The following RICTOR variants were observed in gnomAD, a reference collection of about 807,000 sequenced individuals.
The protein encoded by RICTOR is rapamycin-insensitive companion of mTOR.
RICTOR carries 49 observed loss-of-function variants against 214.9 expected under a neutral mutation model. The observed-to-expected ratio is 0.23, with a 90% CI of 0.18 to 0.29. RICTOR has a LOEUF of 0.29. RICTOR is among the 10% of genes least tolerant of loss of function. The pLI, the probability that RICTOR is intolerant of heterozygous loss-of-function variation, is 1.00. For synonymous variants in RICTOR, 717 were observed against 711.3 expected (o/e 1.01, Z -0.13); for missense variants, 1,625 against 2,047.0 (o/e 0.79, Z 3.98).
intron 15 of RICTOR, 129 bp from the exon 16 acceptor site, chr5:38,965,021 T>C: frequency 3.8e-6 from 2 of 521,264 alleles, no homozygotes; most frequent in Middle Eastern, 3.9e-4. Flanking sequence ...TAAAATTAAC[T>C]TATTTTCCCC....
At chr5:38,992,981 C>T (rs1464604236) in intron 6 of RICTOR, among the ~76,000 whole-genome samples, 1 of 151,962 alleles carries the variant, frequency 6.6e-6, no homozygotes, top group Non-Finnish European at 1.5e-5. Flanking sequence ...ACTAGAAGAT[C>T]GATGTAAGGT....
chr5:39,033,142 G>A (rs534021151), intron 2 of RICTOR, among the ~76,000 whole-genome samples: 3 of 152,130 alleles, frequency 2.0e-5, no homozygotes, highest in African/African-American at 4.8e-5. Flanking sequence ...TAATATGATC[G>A]CCTTAAGTGT....
At chr5:39,022,592 T>G (rs1319346566) in intron 2 of RICTOR, 1 of 152,940 alleles carries the variant, frequency 6.5e-6, no homozygotes, top group Non-Finnish European at 1.5e-5. Flanking sequence ...CAGCACCTTC[T>G]GAACCATTCA....
chr5:39,048,242 A>G (rs764029504), intron 2 of RICTOR, among the ~76,000 whole-genome samples: 5 of 152,150 alleles, frequency 3.3e-5, no homozygotes, highest in East Asian at 1.9e-4. Flanking sequence ...GTCCAACTGT[A>G]TATTTGTGCA....
At chr5:39,044,518 TA>T (rs968228848) in intron 2 of RICTOR, among the ~76,000 whole-genome samples, 3 of 151,084 alleles carry the variant, frequency 2.0e-5, no homozygotes, top group African/African-American at 2.4e-5. Flanking sequence ...AAAGAGGGAA[TA>T]AAAAAAAACT....
At chr5:39,067,219 A>C (rs1758968486) in intron 2 of RICTOR, among the ~76,000 whole-genome samples, 1 of 152,234 alleles carries the variant, frequency 6.6e-6, no homozygotes, top group Admixed American at 6.5e-5. Context: ...GGGAGGCCTC[A>C]GGGTGTTTCT....
In RICTOR at chr5:38,941,212, A is replaced by G. The variant is rs188773716; in HGVS notation, c.*1092T>C. On this transcript the variant is annotated 3_prime_UTR_variant, in exon 38 of 38. Coordinates refer to ENST00000357387, the MANE Select transcript of RICTOR (RefSeq NM_152756.5). ...TACTCATAAACCCACCTACCACTGCATTTAGTTTGTGCAAAACAAAAACAC... is the reference window on the plus strand; with the variant it reads ...TACTCATAAACCCACCTACCACTGCGTTTAGTTTGTGCAAAACAAAAACAC... 8.7e-4 allele frequency: 202 copies of G among 232,920 alleles called. 2 individuals carry two copies. Among genetic ancestry groups the G allele is most frequent in the Middle Eastern group, 7.7e-3 (6 of 778 alleles). The allele number at this position is 232,920 out of a possible 1,614,324, so 14.4% of individuals were successfully genotyped here. A position where few individuals can be genotyped will look rare whatever the true frequency, so the allele number is the denominator to read the frequency against.
chr5:39,026,687 G>C (rs1755847557), intron 2 of RICTOR, among the ~76,000 whole-genome samples: 1 of 151,420 alleles, frequency 6.6e-6, no homozygotes, highest in Admixed American at 6.6e-5. Flanking sequence ...GATACTCTGT[G>C]GTATTGTTTT....
Position 39,038,239 on chromosome 5 carries a change from T to G in RICTOR, c.98-17103A>C, listed in dbSNP as rs532007686. ...AAAACCACATGATTATCTCAATAGA[T>G]GCAGAAAAGGTCTTTGACAAAATTC... On this transcript the variant is annotated intron_variant, in intron 2 of 37. Transcript: ENST00000357387. 2.0e-5 allele frequency among the ~76,000 whole-genome samples: 3 copies of G among 152,348 alleles called. No homozygotes were observed. The South Asian group carries it at 6.2e-4, about 32-fold the overall frequency.
intron 12 of RICTOR, among the ~76,000 whole-genome samples, 158 bp from the exon 13 acceptor site, chr5:38,967,585 A>T (rs1051270388): frequency 6.6e-6 from 1 of 152,186 alleles, no homozygotes; most frequent in Non-Finnish European, 1.5e-5. Context: ...AGTTATGTAA[A>T]TACACGCAGA....
chr5:38,972,293 C>T (rs1408544308), intron 10 of RICTOR, among the ~76,000 whole-genome samples: 1 of 152,280 alleles, frequency 6.6e-6, no homozygotes, highest in South Asian at 2.1e-4. Flanking sequence ...TGTCTCCCCT[C>T]TTTTATACTC....
intron 7 of RICTOR, among the ~76,000 whole-genome samples, chr5:38,985,699 A>ATT (rs879607378): frequency 7.2e-5 from 10 of 139,400 alleles, no homozygotes; most frequent in Middle Eastern, 7.3e-3. Flanking sequence ...CTACAATTCT[A>ATT]TTTTTTTTTT....
At chr5:39,055,882 A>C (rs890357148) in intron 2 of RICTOR, among the ~76,000 whole-genome samples, 1 of 152,196 alleles carries the variant, frequency 6.6e-6, no homozygotes, top group Non-Finnish European at 1.5e-5. Context: ...ATGGCAACAG[A>C]AATGGAAAAA....
At chr5:39,068,358 C>T (rs1759051997) in intron 2 of RICTOR, among the ~76,000 whole-genome samples, 1 of 152,174 alleles carries the variant, frequency 6.6e-6, no homozygotes, top group Non-Finnish European at 1.5e-5. Context: ...TTTAGACTGG[C>T]AAACTCTCCC....
rs150696109 is a variant in RICTOR, at chr5:39,054,046, C to T, written c.97+20065G>A. Among the ~76,000 whole-genome samples, 342 of 152,140 alleles carry T rather than the reference C, an allele frequency of 2.2e-3. 1 individual carries two copies. The highest frequency in any genetic ancestry group is 7.8e-3 in the African/African-American group (322 of 41,490). On this transcript the variant is annotated intron_variant, in intron 2 of 37. Coordinates refer to ENST00000357387, the MANE Select transcript of RICTOR (RefSeq NM_152756.5). ...GCAGTGAGTGGAGATCGAGCCACTG[C>T]GCTCCAGCCTGGGCTACGGTGTGAG... is the stretch of plus-strand genomic sequence containing the variant.
intron 6 of RICTOR, among the ~76,000 whole-genome samples, chr5:38,994,451 A>AAAAAAAAAAAAAAACAAAG (rs1304761708): frequency 9.8e-6 from 1 of 101,546 alleles, no homozygotes; most frequent in Non-Finnish European, 1.9e-5. Context: ...AAAAAAAAAA[A>AAAAAAAAAAAAAAACAAAG]AGTGCTTCAG....
intron 7 of RICTOR, among the ~76,000 whole-genome samples, chr5:38,990,576 T>TATAC (rs1491289561): frequency 1.6e-4 from 21 of 134,654 alleles, no homozygotes; most frequent in South Asian, 1.1e-3. Flanking sequence ...ACGATATATA[T>TATAC]GATATATACA....
intron 11 of RICTOR, chr5:38,969,582 C>T (rs1418788877): frequency 6.6e-6 from 1 of 151,950 alleles, no homozygotes; most frequent in Non-Finnish European, 1.5e-5. Flanking sequence ...TCACTCACTT[C>T]TCACACATTG....
intron 2 of RICTOR, among the ~76,000 whole-genome samples, chr5:39,060,518 G>A (rs181148212): frequency 1.3e-5 from 2 of 151,990 alleles, no homozygotes; most frequent in East Asian, 3.9e-4. Flanking sequence ...GTATTACAGA[G>A]GGTAGTAATA....
Sources: allele counts gnomAD v4.1 joint callset (sites outside exome capture counted in the v4.1 genomes callset), GRCh38; gene constraint gnomAD v4.1.1; transcripts MANE v1.5; gene names NCBI Gene and HGNC (gene_info 2026-07-23, HGNC 2026-07-21).